The following GJB7 variants were observed in gnomAD, a reference collection of about 807,000 sequenced individuals.
GJB7 encodes gap junction protein beta 7, also known as gap junction beta-7 protein.
For synonymous variants in GJB7, 87 were observed against 95.2 expected (o/e 0.91, Z 0.50); for missense variants, 253 against 256.8 (o/e 0.99, Z 0.10).
intron 2 of GJB7, among the ~76,000 whole-genome samples, chr6:87,314,835 C>T (rs1350597557): frequency 1.3e-5 from 2 of 152,208 alleles, no homozygotes; most frequent in Non-Finnish European, 2.9e-5. Context: ...ATGGAGCTTG[C>T]ATGGAGCTCC....
At chr6:87,303,111 G>A (rs1273764928) in intron 2 of GJB7, among the ~76,000 whole-genome samples, 3 of 152,306 alleles carry the variant, frequency 2.0e-5, no homozygotes, top group Non-Finnish European at 2.9e-5. Context: ...GGAAGAAACT[G>A]CATCAACTTA....
At chr6:87,322,576 G>A (rs1272474473) in intron 2 of GJB7, 1 of 152,218 alleles carries the variant, frequency 6.6e-6, no homozygotes, top group African/African-American at 2.4e-5. Flanking sequence ...CTAGCAGGCG[G>A]GGCGGCGAAG....
intron 2 of GJB7, among the ~76,000 whole-genome samples, chr6:87,294,764 A>T (rs1280639493): frequency 6.6e-6 from 1 of 152,212 alleles, no homozygotes; most frequent in Non-Finnish European, 1.5e-5. Flanking sequence ...GCAACTTGAG[A>T]TGTTTAGCCT....
intron 1 of GJB7, among the ~76,000 whole-genome samples, chr6:87,326,530 T>G (rs955202212): frequency 6.6e-6 from 1 of 151,800 alleles, no homozygotes; most frequent in Non-Finnish European, 1.5e-5. Flanking sequence ...ATGTACCCAG[T>G]AGTCATTCAG....
chr6:87,284,289 C>G lies in GJB7; in HGVS notation c.624G>C (p.Lys208Asn). ...LSFLVLKCFI[K>N]CCLQKYLKKP... is the part of the protein sequence containing the mutation. ...TTTTTAAATATTTTTGGAGACAGCA[C>G]TTAATAAAGCACTTGAGAACCAAAA... is the stretch of plus-strand genomic sequence containing the variant. Residue 208 changes from lysine (K) to asparagine (N), a missense_variant, in exon 3 of 3, where the codon AAG becomes AAC. Coordinates refer to ENST00000525899, the MANE Select transcript of GJB7 (RefSeq NM_198568.3). The G allele has an allele frequency of 6.2e-7, 1 of 1,613,934 alleles. No individual in the cohort carries two copies. The highest frequency in any genetic ancestry group is 1.1e-5 in the South Asian group (1 of 91,080).
rs1348506272 is a variant in GJB7, at chr6:87,295,389, T to C, written c.-27-10450A>G. On this transcript the variant is annotated intron_variant, in intron 2 of 2. Transcript: ENST00000525899. ...ATTACTTAGTAATGATTGACATTTG[T>C]GACATCAAATCTGTCAAATGACAAG... 4.6e-5 allele frequency among the ~76,000 whole-genome samples: 7 copies of C among 152,182 alleles called. No individual in the cohort carries two copies. The East Asian group carries it at 1.3e-3, about 29-fold the overall frequency.
At chr6:87,291,477 CAG>C (rs1776172443) in intron 2 of GJB7, among the ~76,000 whole-genome samples, 1 of 151,986 alleles carries the variant, frequency 6.6e-6, no homozygotes. Context: ...CTATTAAAAA[CAG>C]TGCTAAAGTT....
chr6:87,302,192 A>G (rs192195228), intron 2 of GJB7, among the ~76,000 whole-genome samples: 55 of 152,348 alleles, frequency 3.6e-4, no homozygotes, highest in Non-Finnish European at 6.8e-4. Context: ...GACTTTGACG[A>G]GTTGAGAGAA....
chr6:87,325,887 A>C (rs1582086139), intron 1 of GJB7, among the ~76,000 whole-genome samples: 1 of 152,216 alleles, frequency 6.6e-6, no homozygotes. Context: ...CTGTGAAGCC[A>C]TCTGCTCCTG....
rs184476688 is a variant in GJB7 at position 87,303,046 on chromosome 6, C to T, written c.-27-18107G>A. ...AAGAAGCACTAAACATGGAAAGGAA[C>T]AACCAGTACCAGCCACTGCAAAAAC... On this transcript the variant is annotated intron_variant, in intron 2 of 2. Transcript: ENST00000525899. Among the ~76,000 whole-genome samples, 7 of 152,304 alleles carry T rather than the reference C, an allele frequency of 4.6e-5. No individual in the cohort carries two copies. The East Asian group carries it at 1.3e-3, about 29-fold the overall frequency.
At chr6:87,285,687 G>A (rs1001978370) in intron 2 of GJB7, among the ~76,000 whole-genome samples, 14 of 152,120 alleles carry the variant, frequency 9.2e-5, no homozygotes, top group Admixed American at 4.6e-4. Flanking sequence ...TCAATCTCCC[G>A]TCTCCTTTCT....
chr6:87,284,758 T>G lies in GJB7; in HGVS notation c.155A>C (p.Glu52Ala), dbSNP rs372440005. The G allele has an allele frequency of 2.5e-6, 4 of 1,614,146 alleles. No homozygotes were observed. Among genetic ancestry groups the G allele is most frequent in the Non-Finnish European group, 2.5e-6 (3 of 1,180,026 alleles). ...GCAACCGGGCTGTCTACTGTTGCAC[T>G]CAAACTCTTTCTGCTCATCTTTCCA... ...HVWKDEQKEF[E>A]CNSRQPGCKN... The change falls in exon 3 of 3, where the codon GAG becomes GCG. Residue 52 changes from glutamate (E) to alanine (A), a missense_variant. By Grantham distance (107) the Glu-to-Ala change is moderately radical. Transcript: ENST00000525899.
rs760984438 is a variant in GJB7 at position 87,284,895 on chromosome 6, G to C, written c.18C>G (p.Leu6=). MSWMF[L]RDLLSGVNKY... ...TATTTACTCCACTCAGGAGATCTCT[G>C]AGGAACATCCAACTCATGACTTAGG... The change falls in exon 3 of 3, where the codon CTC becomes CTG. Residue 6 remains leucine, a synonymous_variant. Transcript: ENST00000525899. 1.1e-5 allele frequency: 17 copies of C among 1,612,058 alleles called. No individual in the cohort carries two copies. The African/African-American group carries it at 2.1e-4, about 20-fold the overall frequency.
chr6:87,324,427 A>T (rs1776764605), intron 1 of GJB7, among the ~76,000 whole-genome samples: 1 of 151,270 alleles, frequency 6.6e-6, no homozygotes, highest in African/African-American at 2.4e-5. Flanking sequence ...TCTTTAATCC[A>T]TCTTGAATTG....
intron 2 of GJB7, among the ~76,000 whole-genome samples, chr6:87,305,061 C>G (rs950411709): frequency 3.3e-5 from 5 of 152,286 alleles, no homozygotes; most frequent in Non-Finnish European, 7.3e-5. Context: ...AAACCCACAG[C>G]CAATATCTTA....
At chr6:87,310,197 A>G (rs1292851827) in intron 2 of GJB7, among the ~76,000 whole-genome samples, 1 of 152,172 alleles carries the variant, frequency 6.6e-6, no homozygotes, top group African/African-American at 2.4e-5. Flanking sequence ...ATAAAATAAT[A>G]AAGTTTCTAG....
rs530878345 is a variant in GJB7 at position 87,306,951 on chromosome 6, A to T, written c.-28+15915T>A. ...AAGAAACCAAACGCTGCATATTCTCACTCATAGGTGGGAATTGAACAATGG... is the reference window on the plus strand; with the variant it reads ...AAGAAACCAAACGCTGCATATTCTCTCTCATAGGTGGGAATTGAACAATGG... On this transcript the variant is annotated intron_variant, in intron 2 of 2. Coordinates refer to ENST00000525899, the MANE Select transcript of GJB7 (RefSeq NM_198568.3). Among the ~76,000 whole-genome samples the T allele has an allele frequency of 3.9e-5, 6 of 152,148 alleles. No homozygotes were observed. In the South Asian group the frequency reaches 1.2e-3, roughly 32 times the overall value.
At chr6:87,290,888 G>A (rs1469579484) in intron 2 of GJB7, among the ~76,000 whole-genome samples, 2 of 152,158 alleles carry the variant, frequency 1.3e-5, no homozygotes, top group Non-Finnish European at 2.9e-5. Context: ...CATTTACATA[G>A]TACTTAAAAT....
At chr6:87,292,639 A>G (rs9450652) in intron 2 of GJB7, among the ~76,000 whole-genome samples, 80,407 of 152,048 alleles carry the variant, frequency 0.53, 21,595 homozygotes, top group Admixed American at 0.62. Flanking sequence ...TAGGCATGAG[A>G]TCATCTAAAA....
Sources: gnomAD v4.1 joint callset for allele counts (sites outside exome capture counted in the v4.1 genomes callset) on GRCh38, gnomAD v4.1.1 for gene constraint, MANE v1.5 for transcripts, NCBI Gene and HGNC (gene_info 2026-07-23, HGNC 2026-07-21) for gene names.